CERS1: variants seen among roughly 807,000 people sequenced by gnomAD.
CERS1 encodes Embryonic growth/differentiation factor 1.
Under a neutral mutation model 35.7 loss-of-function variants are expected in CERS1, and 16 were observed. The ratio of observed to expected loss-of-function variants is 0.45; its 90% confidence interval spans 0.30 to 0.68. The LOEUF is 0.68. Ranked by LOEUF, CERS1 falls within the 30% of genes least tolerant of loss-of-function variation. The pLI, the probability that CERS1 is intolerant of heterozygous loss-of-function variation, is 0.08. For synonymous variants in CERS1, 243 were observed against 201.6 expected (o/e 1.21, Z -1.74); for missense variants, 454 against 453.9 (o/e 1.00, Z 0.00).
intron 2 of CERS1, among the ~76,000 whole-genome samples, chr19:18,885,515 T>TG (rs879852886): frequency 5.1e-5 from 1 of 19,424 alleles, no homozygotes; most frequent in Non-Finnish European, 1.3e-4. Flanking sequence ...CTTCTCGTTT[T>TG]TTTTTTTTTT....
At position 18,868,854 on chromosome 19, in the gene CERS1, G is replaced by C; in HGVS notation, c.*1131C>G. On this transcript the variant is annotated 3_prime_UTR_variant, in exon 8 of 8. Transcript: ENST00000623882. Reference sequence around the variant, plus strand: ...CAGTAGTTGGCCAGGAAGCCGCGCGGCGCGATGACCCAGCGGTGCCAGCCC... The same window carrying C: ...CAGTAGTTGGCCAGGAAGCCGCGCGCCGCGATGACCCAGCGGTGCCAGCCC... 2 of 1,446,614 alleles carry C rather than the reference G, an allele frequency of 1.4e-6. No homozygotes were observed. Among genetic ancestry groups the C allele is most frequent in the Non-Finnish European group, 1.8e-6 (2 of 1,092,048 alleles). 89.6% of individuals were successfully genotyped at this position (1,446,614 alleles called of 1,614,324 possible).
intron 2 of CERS1, among the ~76,000 whole-genome samples, chr19:18,887,296 G>C (rs2056384903): frequency 6.6e-6 from 1 of 152,200 alleles, no homozygotes; most frequent in Non-Finnish European, 1.5e-5. Flanking sequence ...GAAATGCCCA[G>C]AACAGGCAAA....
chr19:18,880,233 G>A lies in CERS1; in HGVS notation c.752+41C>T, dbSNP rs1601165076. ...TTTTCTGGACACACCCACCTCACCAGGCCACACCTCCCTCCCTGCCCAGCA... is the reference window on the plus strand; with the variant it reads ...TTTTCTGGACACACCCACCTCACCAAGCCACACCTCCCTCCCTGCCCAGCA... On this transcript the variant is annotated intron_variant, in intron 4 of 7. Coordinates refer to ENST00000623882, the MANE Select transcript of CERS1 (RefSeq NM_021267.5). The A allele has an allele frequency of 2.0e-6, 3 of 1,509,106 alleles. No individual in the cohort carries two copies. The East Asian group carries it at 7.5e-5, about 38-fold the overall frequency. The allele number at this position is 1,509,106 out of a possible 1,614,324, so 93.5% of individuals were successfully genotyped here.
rs1181733949 is a variant in CERS1, at chr19:18,879,331, G to A, written c.810C>T (p.Cys270=). Residue 270 remains cysteine, a synonymous_variant, in exon 5 of 8, where the codon TGC becomes TGT. Transcript: ENST00000623882. ...GGATGTCAGGCACCGTGCGCAGACT[G>A]CAGTGACTGGTGGCATACAGGACCT... The part of the protein sequence containing the change: ...PLKVLYATSH[C]SLRTVPDIPF... 1.1e-5 allele frequency: 17 copies of A among 1,606,074 alleles called. No homozygotes were observed. Among genetic ancestry groups the A allele is most frequent in the Non-Finnish European group, 1.4e-5 (17 of 1,176,442 alleles).
At position 18,895,786 on chromosome 19, in the gene CERS1, T is replaced by C; in HGVS notation, c.249+38A>G. 2 of 1,123,580 alleles carry C rather than the reference T, an allele frequency of 1.8e-6. No individual in the cohort carries two copies. The highest frequency in any genetic ancestry group is 2.2e-6 in the Non-Finnish European group (2 of 897,058). The allele number at this position is 1,123,580 out of a possible 1,614,324, so 69.6% of individuals were successfully genotyped here. ...GGTCCCCGGTCCCGGCTTCCCCCAG[T>C]CCGGGGTCCCCTCGTCCCGGCCCCC... On this transcript the variant is annotated intron_variant, in intron 1 of 7. Coordinates refer to ENST00000623882, the MANE Select transcript of CERS1 (RefSeq NM_021267.5). This position sits in a 1 kb window ranked among gnomAD's most constrained non-coding sequence, Gnocchi z 6.4.
Position 18,869,304 on chromosome 19 carries a change from G to A in CERS1, c.*681C>T. Reference sequence around the variant, plus strand: ...CGGGCCCGGCTCGGGCGCTCAGCGGGTTCCACAGCCGACAGGTCGAAGACG... The same window carrying A: ...CGGGCCCGGCTCGGGCGCTCAGCGGATTCCACAGCCGACAGGTCGAAGACG... On this transcript the variant is annotated 3_prime_UTR_variant, in exon 8 of 8. Transcript: ENST00000623882. 1 of 1,518,624 alleles carries A rather than the reference G, an allele frequency of 6.6e-7. No homozygotes were observed. The highest frequency in any genetic ancestry group is 8.8e-7 in the Non-Finnish European group (1 of 1,140,564). 94.1% of individuals were successfully genotyped at this position (1,518,624 alleles called of 1,614,324 possible). A position where few individuals can be genotyped will look rare whatever the true frequency, so the allele number is the denominator to read the frequency against.
chr19:18,892,429 A>G (rs1054988165), intron 2 of CERS1, among the ~76,000 whole-genome samples: 4 of 151,828 alleles, frequency 2.6e-5, no homozygotes, highest in African/African-American at 9.7e-5. Context: ...CCTGGCTAAC[A>G]CGGTGAAACC....
At chr19:18,882,726 TCTGTCGCCCAGG>T (rs2056245188) in intron 3 of CERS1, among the ~76,000 whole-genome samples, 1 of 151,280 alleles carries the variant, frequency 6.6e-6, no homozygotes, top group Admixed American at 6.6e-5. Flanking sequence ...GGAGTCTCGC[TCTGTCGCCCAGG>T]CTGGAGTGCA....
intron 1 of CERS1, among the ~76,000 whole-genome samples, chr19:18,894,389 T>C (rs1017809217): frequency 6.6e-6 from 1 of 151,990 alleles, no homozygotes; most frequent in Non-Finnish European, 1.5e-5. Context: ...TGGAGCCGGC[T>C]CCGGTAACCC....
chr19:18,895,892 G>T lies in CERS1; in HGVS notation c.181C>A (p.Leu61Met), dbSNP rs1330389032. The change falls in exon 1 of 8, where the codon CTG becomes ATG. Residue 61 changes from leucine (L) to methionine (M), a missense_variant. By Grantham distance (15) the Leu-to-Met change is conservative (BLOSUM62 2). Transcript: ENST00000623882. The surrounding 1 kb of genome is among the most constrained non-coding windows in gnomAD (Gnocchi z 6.4). The stretch of plus-strand genomic sequence containing the variant: ...CCCAGCGCGCCGAGCGCCAGCAGCA[G>T]CAGCTCGGGCGGCGCCAGGTGCGCG... ...EHAHLAPPEL[L>M]LLALGALGWT... The T allele has an allele frequency of 1.9e-5, 24 of 1,268,174 alleles. No homozygotes were observed. Among genetic ancestry groups the T allele is most frequent in the Non-Finnish European group, 2.4e-5 (24 of 1,007,572 alleles). The allele number at this position is 1,268,174 out of a possible 1,614,324, so 78.6% of individuals were successfully genotyped here. A position where few individuals can be genotyped will look rare whatever the true frequency, so the allele number is the denominator to read the frequency against.
At chr19:18,876,219 C>T (rs752296636) in intron 6 of CERS1, among the ~76,000 whole-genome samples, 9 of 152,358 alleles carry the variant, frequency 5.9e-5, no homozygotes, top group South Asian at 4.1e-4. Context: ...CTCCTGACTT[C>T]AAGTGATCCA....
At chr19:18,872,408 C>T (rs932477868) in intron 6 of CERS1, among the ~76,000 whole-genome samples, 3 of 152,128 alleles carry the variant, frequency 2.0e-5, no homozygotes, top group Non-Finnish European at 4.4e-5. Context: ...AGTGCAGTGG[C>T]GCAATCTTGG....
At position 18,878,787 on chromosome 19, in the gene CERS1, C is replaced by T. The variant is rs1568297298; in HGVS notation, c.1010+143G>A. 1 of 1,464,696 alleles carries T rather than the reference C, an allele frequency of 6.8e-7. No homozygotes were observed. The highest frequency in any genetic ancestry group is 9.0e-7 in the Non-Finnish European group (1 of 1,108,170). The allele number at this position is 1,464,696 out of a possible 1,614,324, so 90.7% of individuals were successfully genotyped here. On this transcript the variant is annotated intron_variant, in intron 6 of 7. Coordinates refer to ENST00000623882, the MANE Select transcript of CERS1 (RefSeq NM_021267.5). The surrounding 1 kb of genome is among the most constrained non-coding windows in gnomAD (Gnocchi z 4.6). ...GGCCACATCGTCCACGCCTTTATTG[C>T]AGTCTCTGTTTTGGAGTAGGCTTGG...
rs1253756196 is a variant in CERS1 at position 18,895,859 on chromosome 19, C to A, written c.214G>T (p.Ala72Ser). 2 of 1,283,000 alleles carry A rather than the reference C, an allele frequency of 1.6e-6. 1 individual carries two copies. The highest frequency in any genetic ancestry group is 8.3e-5 in the Admixed American group (2 of 23,976). 79.5% of individuals were successfully genotyped at this position (1,283,000 alleles called of 1,614,324 possible). A position where few individuals can be genotyped will look rare whatever the true frequency, so the allele number is the denominator to read the frequency against. ...LLALGALGWT[A>S]LRSAATARLF... ...CGCGCAGTGGCCGCGGAGCGCAGGGCGGTCCAGCCCAGCGCGCCGAGCGCC... is the reference window on the plus strand; with the variant it reads ...CGCGCAGTGGCCGCGGAGCGCAGGGAGGTCCAGCCCAGCGCGCCGAGCGCC... The change falls in exon 1 of 8, where the codon GCC becomes TCC. Residue 72 changes from alanine (A) to serine (S), a missense_variant. Ala to Ser is a moderately conservative substitution (Grantham distance 99). Transcript: ENST00000623882. This position sits in a 1 kb window ranked among gnomAD's most constrained non-coding sequence, Gnocchi z 6.4.
chr19:18,877,387 A>C (rs182043154), intron 6 of CERS1, among the ~76,000 whole-genome samples: 215 of 152,292 alleles, frequency 1.4e-3, no homozygotes, highest in Admixed American at 3.3e-3. Flanking sequence ...GATGTGGCCA[A>C]ACTGGTGCCC....
intron 4 of CERS1, among the ~76,000 whole-genome samples, chr19:18,880,031 C>T (rs1240896753): frequency 2.0e-5 from 3 of 151,728 alleles, no homozygotes. Context: ...CCCACCTCAC[C>T]TGGCTTATCC....
intron 6 of CERS1, among the ~76,000 whole-genome samples, chr19:18,872,866 C>T (rs2055999737): frequency 6.6e-6 from 1 of 152,132 alleles, no homozygotes; most frequent in African/African-American, 2.4e-5. Flanking sequence ...CCAGGTTGGT[C>T]TCGAACTCCT....
intron 2 of CERS1, among the ~76,000 whole-genome samples, chr19:18,885,761 C>A (rs984925364): frequency 6.6e-6 from 1 of 151,768 alleles, no homozygotes; most frequent in Non-Finnish European, 1.5e-5. Context: ...CCTTGTGATC[C>A]GCCCGCCTCG....
chr19:18,891,344 G>C (rs930550251), intron 2 of CERS1, among the ~76,000 whole-genome samples: 4 of 152,120 alleles, frequency 2.6e-5, no homozygotes, highest in African/African-American at 9.7e-5. Flanking sequence ...GTGTGTCCCT[G>C]GCCCACAGCC....
Sources: gnomAD v4.1 joint callset for allele counts (sites outside exome capture counted in the v4.1 genomes callset) on GRCh38, gnomAD v4.1.1 for gene constraint, Gnocchi (gnomAD v3.1) non-coding constraint, MANE v1.5 for transcripts, NCBI Gene and HGNC (gene_info 2026-07-23, HGNC 2026-07-21) for gene names.